NCAM2: variants seen among roughly 807,000 people sequenced by gnomAD.
NCAM2 encodes N-CAM-2.
Under a neutral mutation model 98.1 loss-of-function variants are expected in NCAM2, and 30 were observed. The ratio of observed to expected loss-of-function variants is 0.31; its 90% CI spans 0.23 to 0.41. The LOEUF (loss-of-function observed/expected upper bound fraction) is 0.41. Ranked by LOEUF, NCAM2 falls within the 10% of genes least tolerant of loss-of-function variation. The probability of loss-of-function intolerance (pLI) is 1.00; values close to 1 mark genes in which losing one functional copy is unlikely to be tolerated. For synonymous variants in NCAM2, 368 were observed against 342.4 expected (o/e 1.07, Z -0.83); for missense variants, 867 against 1,005.8 (o/e 0.86, Z 1.87).
chr21:21,113,466 C>T (rs568115559), intron 1 of NCAM2, among the ~76,000 whole-genome samples: 1 of 151,930 alleles, frequency 6.6e-6, no homozygotes. Context: ...CTGTGGCAAA[C>T]AGATACAATA....
chr21:21,260,538 G>T (rs377265969), intron 1 of NCAM2, among the ~76,000 whole-genome samples: 1 of 143,292 alleles, frequency 7.0e-6, no homozygotes, highest in African/African-American at 2.6e-5. Flanking sequence ...AGAAGAGACT[G>T]GGGGCTTCTT....
chr21:21,197,551 T>G (rs772562885), intron 1 of NCAM2, among the ~76,000 whole-genome samples: 3 of 152,158 alleles, frequency 2.0e-5, no homozygotes, highest in Non-Finnish European at 2.9e-5. Context: ...TGTTAAATCT[T>G]CCAAGCATAA....
At chr21:21,510,447 A>G (rs1460808153) in intron 16 of NCAM2, among the ~76,000 whole-genome samples, 2 of 152,106 alleles carry the variant, frequency 1.3e-5, no homozygotes, top group East Asian at 3.9e-4. Context: ...TGCAGTGTCT[A>G]CCCTTCTGTA....
chr21:21,296,825 G>T (rs562263560), intron 5 of NCAM2, among the ~76,000 whole-genome samples: 2 of 151,830 alleles, frequency 1.3e-5, no homozygotes, highest in African/African-American at 2.4e-5. Flanking sequence ...AAGACTTCTA[G>T]TGTGGGTTTT....
intron 1 of NCAM2, among the ~76,000 whole-genome samples, chr21:21,256,028 C>G (rs183520175): frequency 6.6e-6 from 1 of 152,236 alleles, no homozygotes; most frequent in Admixed American, 6.5e-5. Context: ...GTAGTGTATA[C>G]TGGGTTAGGT....
chr21:21,028,642 A>T (rs1039850710), intron 1 of NCAM2, among the ~76,000 whole-genome samples: 1 of 152,242 alleles, frequency 6.6e-6, no homozygotes, highest in Non-Finnish European at 1.5e-5. Context: ...AGACAGTGCA[A>T]TGCAATATGC....
At chr21:21,537,214 T>C in intron 17 of NCAM2, among the ~76,000 whole-genome samples, 1 of 152,126 alleles carries the variant, frequency 6.6e-6, no homozygotes, top group Middle Eastern at 3.4e-3. Flanking sequence ...TTCCGTCTAA[T>C]TTTTGTAATT....
chr21:21,045,529 G>A (rs7510037), intron 1 of NCAM2, among the ~76,000 whole-genome samples: 10 of 151,946 alleles, frequency 6.6e-5, no homozygotes, highest in Admixed American at 1.3e-4. Flanking sequence ...CACACCTGTC[G>A]TCTCACCTAC....
chr21:21,411,968 A>C (rs2076895799), intron 10 of NCAM2, among the ~76,000 whole-genome samples: 1 of 113,178 alleles, frequency 8.8e-6, no homozygotes, highest in African/African-American at 3.0e-5. Context: ...TCATAAAAAC[A>C]TCTGGACAGT....
intron 5 of NCAM2, among the ~76,000 whole-genome samples, chr21:21,315,814 A>G (rs2074204247): frequency 6.6e-6 from 1 of 152,098 alleles, no homozygotes; most frequent in African/African-American, 2.4e-5. Flanking sequence ...GTCTGCTGCG[A>G]TTTACTTTTA....
chr21:21,193,408 T>C (rs1223873589), intron 1 of NCAM2, among the ~76,000 whole-genome samples: 1 of 152,024 alleles, frequency 6.6e-6, no homozygotes, highest in African/African-American at 2.4e-5. Context: ...CTGGGAATAA[T>C]TGTGGTCATA....
chr21:21,366,856 G>A (rs898854995), intron 8 of NCAM2, among the ~76,000 whole-genome samples: 1 of 151,870 alleles, frequency 6.6e-6, no homozygotes, highest in African/African-American at 2.4e-5. Flanking sequence ...TTCCAGTAGG[G>A]AATTTTGACT....
intron 1 of NCAM2, among the ~76,000 whole-genome samples, chr21:21,258,099 C>T (rs916910189): frequency 6.6e-6 from 1 of 152,200 alleles, no homozygotes; most frequent in African/African-American, 2.4e-5. Flanking sequence ...CAGATTCACA[C>T]ACTTTTCATT....
chr21:21,249,848 T>C (rs935408837), intron 1 of NCAM2, among the ~76,000 whole-genome samples: 2 of 152,200 alleles, frequency 1.3e-5, no homozygotes, highest in African/African-American at 4.8e-5. Context: ...TCTATGAATT[T>C]TTCTATGAGA....
At chr21:21,335,370 T>C in intron 6 of NCAM2, 135 bp from the exon 7 acceptor site, 1 of 550,766 alleles carries the variant, frequency 1.8e-6, no homozygotes, top group Non-Finnish European at 2.8e-6. Flanking sequence ...AAATATACTT[T>C]TGATTGGAAT....
chr21:21,256,702 A>G (rs1316177697), intron 1 of NCAM2, among the ~76,000 whole-genome samples: 10 of 152,158 alleles, frequency 6.6e-5, no homozygotes, highest in Admixed American at 5.9e-4. Flanking sequence ...ACCCTTTACA[A>G]TGTATTTTAC....
In NCAM2 at chr21:21,542,009, T is replaced by C. The variant is rs1413779658; in HGVS notation, c.*4052T>C. 1 of 151,934 alleles carries C rather than the reference T, an allele frequency of 6.6e-6. No homozygotes were observed. Among genetic ancestry groups the C allele is most frequent in the Non-Finnish European group, 1.5e-5 (1 of 67,846 alleles). 9.4% of individuals were successfully genotyped at this position (151,934 alleles called of 1,614,324 possible). ...TAGTCACTCACATTGAAATTGCATA[T>C]GGATGTATCAACATAGGCTAAAATT... On this transcript the variant is annotated 3_prime_UTR_variant, in exon 18 of 18. Coordinates refer to ENST00000400546, the MANE Select transcript of NCAM2 (RefSeq NM_004540.5).
intron 1 of NCAM2, among the ~76,000 whole-genome samples, chr21:21,264,169 T>C (rs938263396): frequency 6.6e-6 from 1 of 151,932 alleles, no homozygotes; most frequent in Non-Finnish European, 1.5e-5. Context: ...ATAACCCTGT[T>C]AAAAACTGGG....
chr21:21,320,978 G>A (rs2074360329), intron 5 of NCAM2, among the ~76,000 whole-genome samples: 1 of 152,106 alleles, frequency 6.6e-6, no homozygotes, highest in African/African-American at 2.4e-5. Context: ...ATTATGGGAA[G>A]ACCCAAAGAA....
Sources: gnomAD v4.1 joint callset for allele counts (sites outside exome capture counted in the v4.1 genomes callset) on GRCh38, gnomAD v4.1.1 for gene constraint, MANE v1.5 for transcripts, NCBI Gene and HGNC (gene_info 2026-07-23, HGNC 2026-07-21) for gene names.